LRRC28: variants seen among roughly 807,000 people sequenced by gnomAD.
LRRC28 encodes the protein leucine-rich repeat-containing protein 28.
A neutral mutation model predicts 45.7 loss-of-function variants in LRRC28; 39 were observed. The observed-to-expected ratio is 0.85, with a 90% CI of 0.66 to 1.12. LRRC28 has a LOEUF of 1.12. Ranked by LOEUF, LRRC28 falls within the 50% of genes most tolerant of loss-of-function variation. The probability of loss-of-function intolerance (pLI) is 0.00; values close to 1 mark genes in which losing one functional copy is unlikely to be tolerated. For missense variants in LRRC28, 435 were observed against 438.5 expected (o/e 0.99, Z 0.07); for synonymous variants, 206 against 178.8 (o/e 1.15, Z -1.22).
At chr15:99,318,126 TG>T (rs1487487834) in intron 5 of LRRC28, among the ~76,000 whole-genome samples, 1 of 152,190 alleles carries the variant, frequency 6.6e-6, no homozygotes, top group Non-Finnish European at 1.5e-5. Flanking sequence ...TGACAGAAAC[TG>T]TATGAAATTT....
At chr15:99,283,326 G>T (rs2081861562) in intron 3 of LRRC28, among the ~76,000 whole-genome samples, 1 of 151,306 alleles carries the variant, frequency 6.6e-6, no homozygotes, top group Non-Finnish European at 1.5e-5. Flanking sequence ...AGAATTCCAT[G>T]GTACAGGCCA....
rs34994335 is a variant in LRRC28, at chr15:99,255,357, T to TAA, written c.-60-533_-60-532dup. ...GGGCAACAGAGTGAGACCCTGTCTC[T>TAA]AAAAAAAAATAAGAAGAAAGAAAAG... On this transcript the variant is annotated intron_variant, in intron 1 of 9. Coordinates refer to ENST00000301981, the MANE Select transcript of LRRC28 (RefSeq NM_144598.5). Among the ~76,000 whole-genome samples, 262 of 148,948 alleles carry TAA rather than the reference T, an allele frequency of 1.8e-3. 3 individuals carry two copies. Among genetic ancestry groups the TAA allele is most frequent in the Non-Finnish European group, 3.0e-4 (20 of 67,228 alleles).
intron 5 of LRRC28, among the ~76,000 whole-genome samples, chr15:99,307,267 A>G (rs1007728557): frequency 6.6e-6 from 1 of 152,226 alleles, no homozygotes; most frequent in African/African-American, 2.4e-5. Context: ...TTAAGGCAGC[A>G]CTGGCTACAG....
Position 99,281,126 on chromosome 15 carries a change from C to T in LRRC28, c.209+4510C>T, listed in dbSNP as rs573802947. Among the ~76,000 whole-genome samples the T allele has an allele frequency of 1.1e-4, 16 of 151,966 alleles. No individual in the cohort carries two copies. In the South Asian group the frequency reaches 2.9e-3, roughly 28 times the overall value. The stretch of plus-strand genomic sequence containing the variant: ...CGTTGCAGCCTTGAACTCCTGGGCT[C>T]AAGGGATCCTCCCATCTCAGCCTCC... On this transcript the variant is annotated intron_variant, in intron 3 of 9. Transcript: ENST00000301981.
chr15:99,318,182 AG>A (rs1955664657), intron 5 of LRRC28, among the ~76,000 whole-genome samples: 1 of 152,190 alleles, frequency 6.6e-6, no homozygotes, highest in African/African-American at 2.4e-5. Flanking sequence ...TGAGACCCTC[AG>A]CAATATAGAT....
chr15:99,263,372 A>G lies in LRRC28; in HGVS notation c.168+7247A>G, dbSNP rs963964302. On this transcript the variant is annotated intron_variant, in intron 2 of 9. Transcript: ENST00000301981. ...AAGAAACATGATTTTGCTTCCTATC[A>G]TTTACCTTAGAAAATGTTTTAAATA... Among the ~76,000 whole-genome samples the G allele has an allele frequency of 5.3e-5, 8 of 151,944 alleles. No individual in the cohort carries two copies. In the East Asian group the frequency reaches 5.8e-4, roughly 11 times the overall value.
chr15:99,386,398 G>T lies in LRRC28; in HGVS notation c.*296G>T, dbSNP rs377694841. 9.5e-5 allele frequency: 29 copies of T among 304,712 alleles called. No individual in the cohort carries two copies. In the East Asian group the frequency reaches 1.0e-3, roughly 11 times the overall value. 18.9% of individuals were successfully genotyped at this position (304,712 alleles called of 1,614,324 possible). ...CAAATCTAATTTAAAGCAAGTTTCC[G>T]GTCCTTGGAGAACAGTGACTTGATC... On this transcript the variant is annotated 3_prime_UTR_variant, in exon 10 of 10. Coordinates refer to ENST00000301981, the MANE Select transcript of LRRC28 (RefSeq NM_144598.5).
chr15:99,292,777 T>C (rs917086809), intron 5 of LRRC28, among the ~76,000 whole-genome samples: 1 of 152,238 alleles, frequency 6.6e-6, no homozygotes, highest in Non-Finnish European at 1.5e-5. Context: ...CAGATTTCTT[T>C]TCCCACCTCT....
Position 99,306,738 on chromosome 15 carries a change from C to T in LRRC28, c.385+18787C>T, listed in dbSNP as rs1247637446. Among the ~76,000 whole-genome samples the T allele has an allele frequency of 2.0e-5, 3 of 152,232 alleles. 1 individual carries two copies. The highest frequency in any genetic ancestry group is 4.4e-5 in the Non-Finnish European group (3 of 68,040). ...TACCTTGGCTCTGGCACCAGCTTGG[C>T]TGAGTGACCTTGGTGCCTATTGTCT... On this transcript the variant is annotated intron_variant, in intron 5 of 9. Coordinates refer to ENST00000301981, the MANE Select transcript of LRRC28 (RefSeq NM_144598.5).
At chr15:99,367,972 G>T (rs1957385654) in intron 9 of LRRC28, among the ~76,000 whole-genome samples, 3 of 152,124 alleles carry the variant, frequency 2.0e-5, no homozygotes, top group African/African-American at 7.2e-5. Flanking sequence ...GCTACCCAGG[G>T]ATTCCCAAGC....
At chr15:99,259,298 G>A in intron 2 of LRRC28, 1 of 1,142,808 alleles carries the variant, frequency 8.8e-7, no homozygotes, top group Non-Finnish European at 1.3e-6. Flanking sequence ...TCTGAAAAGG[G>A]GCTATGAAGT....
At chr15:99,375,838 C>T (rs544824593) in intron 9 of LRRC28, among the ~76,000 whole-genome samples, 53 of 151,958 alleles carry the variant, frequency 3.5e-4, no homozygotes, top group Non-Finnish European at 4.9e-4. Flanking sequence ...AATATTAATT[C>T]GTGTGTTCTC....
intron 9 of LRRC28, among the ~76,000 whole-genome samples, chr15:99,369,928 G>A (rs773045082): frequency 6.6e-6 from 1 of 152,166 alleles, no homozygotes; most frequent in South Asian, 2.1e-4. Context: ...CTGCTTTTGT[G>A]TAATAAGCCA....
intron 5 of LRRC28, among the ~76,000 whole-genome samples, chr15:99,294,465 A>G (rs2082212636): frequency 6.6e-6 from 1 of 152,048 alleles, no homozygotes; most frequent in Admixed American, 6.6e-5. Flanking sequence ...CTCTGTCTTA[A>G]TCCATTCAGG....
chr15:99,283,212 C>CT (rs931590955), intron 3 of LRRC28, among the ~76,000 whole-genome samples: 13 of 151,460 alleles, frequency 8.6e-5, no homozygotes, highest in African/African-American at 3.1e-4. Context: ...TTTTTTAAAA[C>CT]TTTTTTTATT....
At position 99,255,927 on chromosome 15, in the gene LRRC28, C is replaced by T. The variant is rs765309677; in HGVS notation, c.-31C>T. 1 of 1,603,440 alleles carries T rather than the reference C, an allele frequency of 6.2e-7. No individual in the cohort carries two copies. The highest frequency in any genetic ancestry group is 8.5e-7 in the Non-Finnish European group (1 of 1,175,864). Reference sequence around the variant, plus strand: ...GGACCAATTTTGACAAGATATAGTGCTGCAGCGTGCCTGATGGGATATATT... The same window carrying T: ...GGACCAATTTTGACAAGATATAGTGTTGCAGCGTGCCTGATGGGATATATT... On this transcript the variant is annotated 5_prime_UTR_variant, in exon 2 of 10. Transcript: ENST00000301981.
At chr15:99,268,182 T>A (rs943369871) in intron 2 of LRRC28, among the ~76,000 whole-genome samples, 1 of 152,214 alleles carries the variant, frequency 6.6e-6, no homozygotes, top group African/African-American at 2.4e-5. Context: ...TGTGGAGAAA[T>A]GAAGTGCTGC....
At chr15:99,323,705 G>A (rs1761658299) in intron 5 of LRRC28, among the ~76,000 whole-genome samples, 1 of 152,136 alleles carries the variant, frequency 6.6e-6, no homozygotes, top group African/African-American at 2.4e-5. Flanking sequence ...TATTTATATT[G>A]AGTTTACATT....
chr15:99,255,498 A>T (rs1012276048), intron 1 of LRRC28, among the ~76,000 whole-genome samples: 1 of 152,082 alleles, frequency 6.6e-6, no homozygotes, highest in Admixed American at 6.6e-5. Flanking sequence ...AATATTTTTG[A>T]AGTACCTTAA....
Sources: allele counts gnomAD v4.1 joint callset (sites outside exome capture counted in the v4.1 genomes callset), GRCh38; gene constraint gnomAD v4.1.1; transcripts MANE v1.5; gene names NCBI Gene and HGNC (gene_info 2026-07-23, HGNC 2026-07-21).